SLC38A12: variants seen among roughly 807,000 people sequenced by gnomAD.
SLC38A12 encodes the protein putative sodium-coupled neutral amino acid transporter 12.
At chr17:74,788,162 A>G in the SLC38A12 span, among the ~76,000 whole-genome samples, 1 of 152,200 alleles carries the variant, frequency 6.6e-6, no homozygotes, top group Non-Finnish European at 1.5e-5. Context: ...GCAAGCGTCT[A>G]ATGCCACCTC....
chr17:74,833,840 A>G, the SLC38A12 span, among the ~76,000 whole-genome samples: 1 of 152,282 alleles, frequency 6.6e-6, no homozygotes, highest in Non-Finnish European at 1.5e-5. Context: ...CTTGCCCTAC[A>G]GCAGCTGCCC....
chr17:74,836,617 T>C, the SLC38A12 span: 16 of 1,613,126 alleles, frequency 9.9e-6, no homozygotes, highest in East Asian at 3.6e-4. The surrounding 1 kb of genome is among the most constrained non-coding windows in gnomAD (Gnocchi z 4.2). Context: ...GTGGGCTTCG[T>C]GCTGCTCTGG....
the SLC38A12 span, among the ~76,000 whole-genome samples, chr17:74,780,191 C>T: frequency 6.6e-6 from 1 of 152,214 alleles, no homozygotes; most frequent in African/African-American, 2.4e-5. Flanking sequence ...CCCTGAAATC[C>T]TAGTCATTGC....
At chr17:74,836,081 C>G in the SLC38A12 span, 1 of 1,613,844 alleles carries the variant, frequency 6.2e-7, no homozygotes, top group Non-Finnish European at 8.5e-7. The surrounding 1 kb of genome is among the most constrained non-coding windows in gnomAD (Gnocchi z 4.2). Flanking sequence ...CCCTCATTAC[C>G]CCCGTCTCCT....
chr17:74,802,327 G>T, the SLC38A12 span, among the ~76,000 whole-genome samples: 1 of 152,100 alleles, frequency 6.6e-6, no homozygotes. Context: ...CTAGTCCCCC[G>T]TGCCACCGCC....
the SLC38A12 span, among the ~76,000 whole-genome samples, chr17:74,814,935 C>T: frequency 1.3e-5 from 2 of 152,220 alleles, no homozygotes; most frequent in Non-Finnish European, 2.9e-5. Flanking sequence ...GTTGGTAATT[C>T]AGTCAAGAGC....
the SLC38A12 span, among the ~76,000 whole-genome samples, chr17:74,819,073 C>T: frequency 3.3e-5 from 5 of 152,236 alleles, no homozygotes; most frequent in African/African-American, 9.6e-5. Context: ...GCCTGGGTCC[C>T]ATCCTCAGCC....
At chr17:74,830,808 T>C in the SLC38A12 span, among the ~76,000 whole-genome samples, 5 of 152,340 alleles carry the variant, frequency 3.3e-5, no homozygotes, top group African/African-American at 1.2e-4. Flanking sequence ...TCTGTCTTCC[T>C]CACTCCCTCC....
the SLC38A12 span, among the ~76,000 whole-genome samples, chr17:74,813,187 T>G: frequency 6.6e-6 from 1 of 152,186 alleles, no homozygotes; most frequent in East Asian, 1.9e-4. Flanking sequence ...GCTTCCCTGG[T>G]CACTGCTGGC....
At chr17:74,836,766 T>A in the SLC38A12 span, 1 of 1,501,588 alleles carries the variant, frequency 6.7e-7, no homozygotes, top group Non-Finnish European at 8.8e-7. The surrounding 1 kb of genome is among the most constrained non-coding windows in gnomAD (Gnocchi z 4.2). Flanking sequence ...CAGATTTAGT[T>A]GCTCCCAGGT....
chr17:74,828,945 C>T, the SLC38A12 span, among the ~76,000 whole-genome samples: 1 of 152,112 alleles, frequency 6.6e-6, no homozygotes, highest in Non-Finnish European at 1.5e-5. Context: ...GCACAGGAAA[C>T]CCCACTGAGA....
chr17:74,821,166 T>TC, the SLC38A12 span, among the ~76,000 whole-genome samples: 1 of 152,240 alleles, frequency 6.6e-6, no homozygotes, highest in East Asian at 1.9e-4. Flanking sequence ...TGAGCCATGC[T>TC]CACCAGCCTG....
chr17:74,795,557 A>G, the SLC38A12 span: 1 of 1,614,114 alleles, frequency 6.2e-7, no homozygotes, highest in African/African-American at 1.3e-5. Context: ...GCGGTGTGGA[A>G]GCAGACACCA....
the SLC38A12 span, among the ~76,000 whole-genome samples, chr17:74,816,293 C>T: frequency 6.6e-6 from 1 of 152,212 alleles, no homozygotes; most frequent in Non-Finnish European, 1.5e-5. Flanking sequence ...TTGTGGTCAT[C>T]TGTGATAGCA....
chr17:74,834,201 C>T, the SLC38A12 span, among the ~76,000 whole-genome samples: 1 of 152,076 alleles, frequency 6.6e-6, no homozygotes, highest in Non-Finnish European at 1.5e-5. Flanking sequence ...TGCCATCCAC[C>T]CCCAGTGGGT....
At chr17:74,820,391 G>A in the SLC38A12 span, among the ~76,000 whole-genome samples, 1 of 152,240 alleles carries the variant, frequency 6.6e-6, no homozygotes, top group Non-Finnish European at 1.5e-5. Flanking sequence ...ACACTGTGCT[G>A]AGCATGAGTG....
the SLC38A12 span, among the ~76,000 whole-genome samples, chr17:74,834,334 A>G: frequency 2.0e-5 from 3 of 152,020 alleles, no homozygotes; most frequent in Admixed American, 1.3e-4. Flanking sequence ...AGGCCCTCAG[A>G]GTCAGGAGTG....
chr17:74,801,828 A>G, the SLC38A12 span, among the ~76,000 whole-genome samples: 1 of 151,888 alleles, frequency 6.6e-6, no homozygotes, highest in Non-Finnish European at 1.5e-5. Context: ...AGCTGTCTAT[A>G]TATCTTAGAC....
At chr17:74,838,821 G>A in the SLC38A12 span, 42 of 1,519,576 alleles carry the variant, frequency 2.8e-5, 1 homozygote, top group South Asian at 3.9e-4. Flanking sequence ...CATCCGGCAC[G>A]TTTCACTGCA....
Sources: gnomAD v4.1 joint callset for allele counts (sites outside exome capture counted in the v4.1 genomes callset) on GRCh38, gnomAD v4.1.1 for gene constraint, Gnocchi (gnomAD v3.1) non-coding constraint, MANE v1.5 for transcripts, NCBI Gene and HGNC (gene_info 2026-07-23, HGNC 2026-07-21) for gene names.